The following HCN1 variants were observed in gnomAD, a reference collection of about 807,000 sequenced individuals.
HCN1 encodes the protein potassium/sodium hyperpolarization-activated cyclic nucleotide-gated channel 1.
In HCN1, 13 loss-of-function variants were observed where a neutral mutation model predicts 78.9. The ratio of observed to expected loss-of-function variants is 0.16; its 90% CI spans 0.11 to 0.26. The LOEUF (loss-of-function observed/expected upper bound fraction) is 0.26. Among genes scored for constraint, HCN1 ranks in the 10% least tolerant of loss-of-function variants. The probability of loss-of-function intolerance (pLI) is 1.00; values close to 1 mark genes in which losing one functional copy is unlikely to be tolerated. For missense variants in HCN1, 810 were observed against 1,154.3 expected (o/e 0.70, Z 4.32); for synonymous variants, 552 against 455.5 (o/e 1.21, Z -2.70).
chr5:45,318,821 T>C (rs989205365), intron 5 of HCN1, among the ~76,000 whole-genome samples: 1 of 151,936 alleles, frequency 6.6e-6, no homozygotes, highest in Non-Finnish European at 1.5e-5. Flanking sequence ...GATTCAAATA[T>C]AGACAATTTC....
chr5:45,568,496 C>G (rs559935374), intron 2 of HCN1, among the ~76,000 whole-genome samples: 3 of 152,022 alleles, frequency 2.0e-5, no homozygotes, highest in Non-Finnish European at 4.4e-5. Flanking sequence ...AATGGGCATA[C>G]TAACAGTGTT....
intron 1 of HCN1, among the ~76,000 whole-genome samples, chr5:45,666,332 T>A (rs561117463): frequency 8.3e-4 from 127 of 152,214 alleles, no homozygotes; most frequent in Admixed American, 2.0e-3. Flanking sequence ...CAATGTGTCC[T>A]AAAGATATTT....
At chr5:45,531,516 C>T (rs1214821283) in intron 2 of HCN1, among the ~76,000 whole-genome samples, 1 of 152,124 alleles carries the variant, frequency 6.6e-6, no homozygotes, top group African/African-American at 2.4e-5. Flanking sequence ...CTCTGTTGTC[C>T]TCAGAATACA....
intron 2 of HCN1, among the ~76,000 whole-genome samples, chr5:45,539,761 T>C (rs1743055556): frequency 6.8e-6 from 1 of 147,994 alleles, no homozygotes; most frequent in African/African-American, 2.5e-5. Flanking sequence ...AAAATAAATG[T>C]ACAATTCCAC....
intron 6 of HCN1, among the ~76,000 whole-genome samples, chr5:45,278,511 C>A (rs1012902534): frequency 6.6e-6 from 1 of 152,000 alleles, no homozygotes; most frequent in Non-Finnish European, 1.5e-5. Context: ...TTTTTTCCCA[C>A]TCCAAGAAAC....
chr5:45,294,515 C>T (rs1041401240), intron 6 of HCN1, among the ~76,000 whole-genome samples: 1 of 151,730 alleles, frequency 6.6e-6, no homozygotes, highest in African/African-American at 2.4e-5. Context: ...AATTAGAACA[C>T]TTTGGCGTGG....
chr5:45,315,861 C>A (rs1745977214), intron 5 of HCN1, among the ~76,000 whole-genome samples: 1 of 152,026 alleles, frequency 6.6e-6, no homozygotes, highest in Non-Finnish European at 1.5e-5. Context: ...AAGAATAAAC[C>A]AGGAGGAAGC....
chr5:45,316,228 C>T (rs1211044647), intron 5 of HCN1, among the ~76,000 whole-genome samples: 2 of 152,154 alleles, frequency 1.3e-5, no homozygotes, highest in Non-Finnish European at 2.9e-5. Flanking sequence ...ATCAAGTGGG[C>T]TTCATCCCTG....
In HCN1 at chr5:45,261,826, G is replaced by A; in HGVS notation, c.*95C>T. 6.8e-7 allele frequency: 1 copy of A among 1,475,392 alleles called. No individual in the cohort carries two copies. Among genetic ancestry groups the A allele is most frequent in the Non-Finnish European group, 9.4e-7 (1 of 1,061,502 alleles). 91.4% of individuals were successfully genotyped at this position (1,475,392 alleles called of 1,614,324 possible). A position where few individuals can be genotyped will look rare whatever the true frequency, so the allele number is the denominator to read the frequency against. ...TGTCTAAAATATCTCTTCATAGTAG[G>A]CTAGAGGGATCTATCAGGAGATAGA... On this transcript the variant is annotated 3_prime_UTR_variant, in exon 8 of 8. Transcript: ENST00000303230.
chr5:45,312,749 C>T (rs181739767), intron 5 of HCN1, among the ~76,000 whole-genome samples: 1 of 152,294 alleles, frequency 6.6e-6, no homozygotes, highest in African/African-American at 2.4e-5. Context: ...GGTCCCACGC[C>T]CACAGAGCCT....
At chr5:45,314,317 G>A (rs1042313900) in intron 5 of HCN1, among the ~76,000 whole-genome samples, 1 of 151,320 alleles carries the variant, frequency 6.6e-6, no homozygotes, top group Non-Finnish European at 1.5e-5. Context: ...AATGCTGAGA[G>A]ATTATGTCAC....
chr5:45,639,178 T>C (rs1286904545), intron 2 of HCN1, among the ~76,000 whole-genome samples: 1 of 151,990 alleles, frequency 6.6e-6, no homozygotes, highest in Non-Finnish European at 1.5e-5. Context: ...AGAGTGTAAA[T>C]GAATAACTTC....
At chr5:45,301,189 C>A (rs536594851) in intron 6 of HCN1, among the ~76,000 whole-genome samples, 9 of 151,758 alleles carry the variant, frequency 5.9e-5, no homozygotes, top group Non-Finnish European at 1.3e-4. Context: ...GGAATCATTT[C>A]AAAAGTTAGC....
intron 5 of HCN1, among the ~76,000 whole-genome samples, chr5:45,344,527 C>A (rs1746655508): frequency 6.6e-6 from 1 of 152,208 alleles, no homozygotes; most frequent in Non-Finnish European, 1.5e-5. Context: ...ACATTACTTA[C>A]TTCCTAGATA....
At chr5:45,463,782 G>T (rs1399451929) in intron 2 of HCN1, among the ~76,000 whole-genome samples, 1 of 152,018 alleles carries the variant, frequency 6.6e-6, no homozygotes, top group Non-Finnish European at 1.5e-5. Context: ...TTTAGTAACA[G>T]AATTTACATT....
intron 3 of HCN1, among the ~76,000 whole-genome samples, chr5:45,426,455 T>C (rs946665781): frequency 6.6e-6 from 1 of 152,162 alleles, no homozygotes; most frequent in Admixed American, 6.5e-5. Context: ...TGAATCGTGG[T>C]TGTGAGTTTT....
At chr5:45,351,854 G>C (rs7734729) in intron 5 of HCN1, among the ~76,000 whole-genome samples, 1 of 151,820 alleles carries the variant, frequency 6.6e-6, no homozygotes, top group South Asian at 2.1e-4. Context: ...TTAGAATGGC[G>C]ATCATTAAAA....
intron 4 of HCN1, among the ~76,000 whole-genome samples, chr5:45,365,733 A>G (rs1747221961): frequency 6.6e-6 from 1 of 151,900 alleles, no homozygotes; most frequent in Non-Finnish European, 1.5e-5. Context: ...GTTGAACGGT[A>G]GTTCTATTTT....
At chr5:45,505,284 T>G (rs1445916473) in intron 2 of HCN1, among the ~76,000 whole-genome samples, 1 of 152,126 alleles carries the variant, frequency 6.6e-6, no homozygotes, top group African/African-American at 2.4e-5. Context: ...TTGTATAAGG[T>G]GTAAGAAAGG....
Sources: allele counts gnomAD v4.1 joint callset (sites outside exome capture counted in the v4.1 genomes callset), GRCh38; gene constraint gnomAD v4.1.1; transcripts MANE v1.5; gene names NCBI Gene and HGNC (gene_info 2026-07-23, HGNC 2026-07-21).